The following IL1RAPL2 variants were observed in gnomAD, a reference collection of about 807,000 sequenced individuals.
IL1RAPL2 encodes the protein interleukin 1 receptor accessory protein like 2.
Under a neutral mutation model 44.1 loss-of-function variants are expected in IL1RAPL2, and 3 were observed. The observed-to-expected ratio is 0.07, with a 90% CI of 0.03 to 0.18. The LOEUF (loss-of-function observed/expected upper bound fraction) is 0.18, where lower values mean the gene tolerates loss of function less well. Among genes scored for constraint, IL1RAPL2 ranks in the 10% least tolerant of loss-of-function variants. The pLI, the probability that IL1RAPL2 is intolerant of heterozygous loss-of-function variation, is 1.00. For synonymous variants in IL1RAPL2, 181 were observed against 178.8 expected (o/e 1.01, Z -0.10); for missense variants, 391 against 496.4 (o/e 0.79, Z 2.02).
Position 105,312,738 on chromosome X carries a change from A to G in IL1RAPL2, c.697+45197A>G, listed in dbSNP as rs757521006. Among the ~76,000 whole-genome samples the G allele has an allele frequency of 6.3e-5, 7 of 111,390 alleles. No homozygotes were observed. The East Asian group carries it at 2.0e-3, about 31-fold the overall frequency. ...TATATAGTTTTTTTTTGTGGTGAGA[A>G]CACTTAAAATCTCTGTAAGGTAATG... On this transcript the variant is annotated intron_variant, in intron 5 of 10. Coordinates refer to ENST00000372582, the MANE Select transcript of IL1RAPL2 (RefSeq NM_017416.2).
chrX:104,570,008 A>G (rs778889106), intron 1 of IL1RAPL2, among the ~76,000 whole-genome samples: 1 of 112,499 alleles, frequency 8.9e-6, no homozygotes, highest in East Asian at 2.8e-4. Flanking sequence ...ACAAATGTAC[A>G]CACTGCCTTC....
At chrX:104,950,933 C>A (rs975692913) in intron 2 of IL1RAPL2, among the ~76,000 whole-genome samples, 6 of 111,320 alleles carry the variant, frequency 5.4e-5, no homozygotes, top group African/African-American at 1.3e-4. Context: ...TGGGAGTGAC[C>A]TGATTTTCCA....
chrX:104,855,463 G>A (rs1023723675), intron 2 of IL1RAPL2, among the ~76,000 whole-genome samples: 5 of 110,990 alleles, frequency 4.5e-5, no homozygotes, highest in African/African-American at 1.3e-4. Context: ...CAAACTGGGG[G>A]AAGCTAGGTC....
intron 2 of IL1RAPL2, among the ~76,000 whole-genome samples, chrX:105,097,330 CAAAAAAAAAAAAAA>C (rs201390547): frequency 9.3e-5 from 4 of 43,203 alleles, no homozygotes; most frequent in African/African-American, 4.2e-4. Flanking sequence ...CAGTGTCAGA[CAAAAAAAAAAAAAA>C]AAAAAAAAAA....
chrX:105,587,586 A>G (rs2037138085), intron 6 of IL1RAPL2, among the ~76,000 whole-genome samples: 3 of 110,569 alleles, frequency 2.7e-5, no homozygotes. Context: ...TTCCTTTATT[A>G]TTTTTGTAAT....
chrX:104,948,629 C>A (rs1468179138), intron 2 of IL1RAPL2, among the ~76,000 whole-genome samples: 1 of 111,020 alleles, frequency 9.0e-6, no homozygotes, highest in Non-Finnish European at 1.9e-5. Flanking sequence ...TAGCATGAAG[C>A]ATTGTTGAAT....
chrX:105,661,198 TA>T (rs2147847515), intron 6 of IL1RAPL2, among the ~76,000 whole-genome samples: 1 of 112,180 alleles, frequency 8.9e-6, no homozygotes, highest in Non-Finnish European at 1.9e-5. Context: ...GATCATTATA[TA>T]ATGATAAAGG....
rs1286816100 is a variant in IL1RAPL2 at position 105,382,430 on chromosome X, A to G, written c.698-101883A>G. ...CAAAACCACAATGAGATACCACTTC[A>G]CACCAGTTAGAATGGCGATCATTAA... On this transcript the variant is annotated intron_variant, in intron 5 of 10. Transcript: ENST00000372582. Among the ~76,000 whole-genome samples the G allele has an allele frequency of 7.8e-3, 856 of 109,664 alleles. 19 individuals are homozygous for G. Among genetic ancestry groups the G allele is most frequent in the African/African-American group, 0.027 (792 of 28,883 alleles).
intron 6 of IL1RAPL2, among the ~76,000 whole-genome samples, chrX:105,550,434 A>G (rs953996505): frequency 1.8e-5 from 2 of 112,095 alleles, no homozygotes; most frequent in Non-Finnish European, 3.8e-5. Flanking sequence ...TCTATCTCCC[A>G]AGAGTGTTGA....
At chrX:105,339,039 G>T (rs2035050919) in intron 5 of IL1RAPL2, among the ~76,000 whole-genome samples, 1 of 111,786 alleles carries the variant, frequency 8.9e-6, no homozygotes, top group Non-Finnish European at 1.9e-5. Flanking sequence ...GGAGGCAGAG[G>T]TTGCAGTGAG....
At chrX:105,477,834 C>T (rs2036208234) in intron 5 of IL1RAPL2, among the ~76,000 whole-genome samples, 1 of 112,041 alleles carries the variant, frequency 8.9e-6, no homozygotes, top group Non-Finnish European at 1.9e-5. Flanking sequence ...GGAATTAGCT[C>T]ATGAGCTTAG....
chrX:104,683,064 A>G (rs1479719229), intron 2 of IL1RAPL2, among the ~76,000 whole-genome samples: 7 of 111,458 alleles, frequency 6.3e-5, no homozygotes, highest in Non-Finnish European at 1.3e-4. Flanking sequence ...GGATCTATGG[A>G]AAAGAAATGC....
chrX:105,430,997 C>G (rs1007804306), intron 5 of IL1RAPL2, among the ~76,000 whole-genome samples: 1 of 112,101 alleles, frequency 8.9e-6, no homozygotes, highest in Non-Finnish European at 1.9e-5. Flanking sequence ...GCTACCGACT[C>G]TGCAAACTCA....
At chrX:104,896,376 C>T (rs180749481) in intron 2 of IL1RAPL2, among the ~76,000 whole-genome samples, 1 of 111,616 alleles carries the variant, frequency 9.0e-6, no homozygotes, top group Admixed American at 9.5e-5. Flanking sequence ...AAGAGTTCCC[C>T]TCTGGAGGGC....
intron 2 of IL1RAPL2, among the ~76,000 whole-genome samples, chrX:105,031,455 G>T (rs1024879433): frequency 2.7e-5 from 3 of 111,130 alleles, no homozygotes; most frequent in Non-Finnish European, 5.7e-5. Flanking sequence ...TAGCATGAAG[G>T]GTTGTTGAAT....
At chrX:105,553,772 C>A (rs1165521098) in intron 6 of IL1RAPL2, among the ~76,000 whole-genome samples, 1 of 112,072 alleles carries the variant, frequency 8.9e-6, no homozygotes, top group Non-Finnish European at 1.9e-5. Flanking sequence ...GCAGCCCCAA[C>A]CAGATGGTTT....
At chrX:105,072,200 G>A (rs774907312) in intron 2 of IL1RAPL2, among the ~76,000 whole-genome samples, 1 of 111,280 alleles carries the variant, frequency 9.0e-6, no homozygotes, top group Admixed American at 9.6e-5. Context: ...CACTCTTTTC[G>A]CCTGCTGCCA....
intron 5 of IL1RAPL2, among the ~76,000 whole-genome samples, chrX:105,452,769 T>C (rs1291144726): frequency 1.8e-5 from 2 of 111,659 alleles, no homozygotes; most frequent in Non-Finnish European, 3.8e-5. Flanking sequence ...GATTTTTCTA[T>C]ATTCAACTCT....
At chrX:104,632,143 G>T (rs1929665290) in intron 1 of IL1RAPL2, among the ~76,000 whole-genome samples, 1 of 111,612 alleles carries the variant, frequency 9.0e-6, no homozygotes, top group African/African-American at 3.3e-5. Flanking sequence ...TCAAAGATCA[G>T]ATGGTTGTAG....
Sources: gnomAD v4.1 joint callset for allele counts (sites outside exome capture counted in the v4.1 genomes callset) on GRCh38, gnomAD v4.1.1 for gene constraint, MANE v1.5 for transcripts, NCBI Gene and HGNC (gene_info 2026-07-23, HGNC 2026-07-21) for gene names.